Variants in CLSTN2 observed in about 807,000 individuals in gnomAD.
CLSTN2 encodes calsyntenin 2, also known as calsyntenin-2.
A neutral mutation model predicts 101.2 loss-of-function variants in CLSTN2; 48 were observed. That is an observed-to-expected ratio of 0.47 (90% CI 0.38 to 0.60). The LOEUF (loss-of-function observed/expected upper bound fraction) is 0.60. Among genes scored for constraint, CLSTN2 ranks in the 20% least tolerant of loss-of-function variants. The pLI, the probability that CLSTN2 is intolerant of heterozygous loss-of-function variation, is 0.00. For missense variants in CLSTN2, 1,160 were observed against 1,238.2 expected (o/e 0.94, Z 0.95); for synonymous variants, 481 against 463.6 (o/e 1.04, Z -0.48).
At chr3:140,001,971 G>C (rs1048250035) in intron 1 of CLSTN2, among the ~76,000 whole-genome samples, 1 of 152,164 alleles carries the variant, frequency 6.6e-6, no homozygotes, top group African/African-American at 2.4e-5. Flanking sequence ...TTTTATGGCA[G>C]AATAGTGCTC....
At chr3:140,181,709 TAC>T (rs10549079) in intron 2 of CLSTN2, among the ~76,000 whole-genome samples, 148,519 of 151,684 alleles carry the variant, frequency 0.98, 72,774 homozygotes, top group East Asian at 1. Context: ...GTCCTTTTAT[TAC>T]ACACACACAC....
At chr3:140,069,356 C>T (rs2008353662) in intron 1 of CLSTN2, among the ~76,000 whole-genome samples, 1 of 152,160 alleles carries the variant, frequency 6.6e-6, no homozygotes, top group East Asian at 1.9e-4. Context: ...GACACCAAGA[C>T]ACCAGATCAA....
chr3:140,526,694 G>T (rs1935149143), intron 8 of CLSTN2, among the ~76,000 whole-genome samples: 1 of 149,526 alleles, frequency 6.7e-6, no homozygotes, highest in Non-Finnish European at 1.5e-5. Context: ...TATACCATAA[G>T]GCAACAGTAA....
intron 1 of CLSTN2, among the ~76,000 whole-genome samples, chr3:140,056,119 GC>G (rs1224246432): frequency 6.6e-6 from 1 of 152,172 alleles, no homozygotes; most frequent in Non-Finnish European, 1.5e-5. Flanking sequence ...GGAAGCCCAG[GC>G]CACATTGGAG....
chr3:140,462,006 T>TATAGACATA (rs147930745), intron 7 of CLSTN2, among the ~76,000 whole-genome samples: 1 of 151,088 alleles, frequency 6.6e-6, no homozygotes, highest in Non-Finnish European at 1.5e-5. Context: ...TTTTTTCAAG[T>TATAGACATA]CATAAAGCAA....
At chr3:140,045,657 T>A (rs981775148) in intron 1 of CLSTN2, among the ~76,000 whole-genome samples, 5 of 152,262 alleles carry the variant, frequency 3.3e-5, no homozygotes, top group Non-Finnish European at 7.3e-5. Flanking sequence ...GGGCATTTAA[T>A]GCTATAAATT....
At chr3:140,307,473 CA>C (rs1401631174) in intron 2 of CLSTN2, among the ~76,000 whole-genome samples, 1 of 151,720 alleles carries the variant, frequency 6.6e-6, no homozygotes, top group Non-Finnish European at 1.5e-5. Flanking sequence ...TCTACACAAA[CA>C]AAAAAAAGTT....
rs946287203 is a variant in CLSTN2, at chr3:140,505,738, A to G, written c.1345-26586A>G. The G allele has an allele frequency of 2.0e-5, 3 of 152,148 alleles. 1 individual carries two copies. The highest frequency in any genetic ancestry group is 4.4e-5 in the Non-Finnish European group (3 of 68,028). The allele number at this position is 152,148 out of a possible 1,614,324, so 9.4% of individuals were successfully genotyped here. Reference sequence around the variant, plus strand: ...TACTCTGTTATTTTTTTAAACTTGCAAGGAGGATTCCACCTCTGTTCTCCT... The same window carrying G: ...TACTCTGTTATTTTTTTAAACTTGCGAGGAGGATTCCACCTCTGTTCTCCT... On this transcript the variant is annotated intron_variant, in intron 8 of 16. Transcript: ENST00000458420.
chr3:139,988,326 CA>C (rs1936062843), intron 1 of CLSTN2, among the ~76,000 whole-genome samples: 1 of 143,948 alleles, frequency 6.9e-6, no homozygotes. Flanking sequence ...GCTACATTCA[CA>C]AAGATAGGCA....
chr3:140,059,471 A>G (rs2008157891), intron 1 of CLSTN2, among the ~76,000 whole-genome samples: 1 of 151,186 alleles, frequency 6.6e-6, no homozygotes, highest in Non-Finnish European at 1.5e-5. Context: ...AAAAGTGCTG[A>G]TGAGCAGGAG....
intron 1 of CLSTN2, among the ~76,000 whole-genome samples, chr3:140,009,462 G>T (rs2007026361): frequency 6.6e-6 from 1 of 152,056 alleles, no homozygotes; most frequent in East Asian, 1.9e-4. Flanking sequence ...GTATTAATCT[G>T]TTCAGATATA....
At chr3:140,152,175 C>G (rs370324954) in intron 1 of CLSTN2, among the ~76,000 whole-genome samples, 2 of 152,150 alleles carry the variant, frequency 1.3e-5, no homozygotes, top group South Asian at 2.1e-4. Context: ...TAATAAATTA[C>G]AAAGAGCCCT....
At chr3:139,936,970 G>A (rs528909701) in intron 1 of CLSTN2, among the ~76,000 whole-genome samples, 48 of 152,274 alleles carry the variant, frequency 3.2e-4, no homozygotes, top group African/African-American at 1.1e-3. Context: ...GTAAAGAAGT[G>A]GCTGATATGA....
intron 2 of CLSTN2, among the ~76,000 whole-genome samples, chr3:140,381,853 A>AG (rs1477097804): frequency 1.3e-4 from 20 of 152,240 alleles, no homozygotes; most frequent in Non-Finnish European, 2.5e-4. Context: ...TTTGCCATGA[A>AG]GTCTGCCAAA....
At position 140,053,913 on chromosome 3, in the gene CLSTN2, T is replaced by C. The variant is rs189320466; in HGVS notation, c.109+118430T>C. On this transcript the variant is annotated intron_variant, in intron 1 of 16. Transcript: ENST00000458420. ...CCTTTTTCACTGAAGCCCCTTTTGGTGTTTGAATGACTTGTCTGTAGGCAC... is the reference window on the plus strand; with the variant it reads ...CCTTTTTCACTGAAGCCCCTTTTGGCGTTTGAATGACTTGTCTGTAGGCAC... 1.2e-4 allele frequency among the ~76,000 whole-genome samples: 19 copies of C among 152,274 alleles called. No homozygotes were observed. The East Asian group carries it at 3.3e-3, about 26-fold the overall frequency.
At chr3:140,309,980 AG>A (rs764623718) in intron 2 of CLSTN2, among the ~76,000 whole-genome samples, 71 of 152,040 alleles carry the variant, frequency 4.7e-4, no homozygotes, top group Admixed American at 8.5e-4. Flanking sequence ...TCATCCTGCT[AG>A]GGCCCCTTCT....
At chr3:140,506,507 T>C (rs560048169) in intron 8 of CLSTN2, 2 of 152,310 alleles carry the variant, frequency 1.3e-5, no homozygotes, top group South Asian at 4.2e-4. Context: ...CAGGATTTGA[T>C]CCCGTTGTGG....
At chr3:140,457,674 C>T (rs753982921) in intron 6 of CLSTN2, among the ~76,000 whole-genome samples, 3 of 152,100 alleles carry the variant, frequency 2.0e-5, no homozygotes, top group Non-Finnish European at 4.4e-5. Context: ...AGGCGTGGAG[C>T]GTGGACAAGG....
At chr3:140,233,620 A>G (rs2086390392) in intron 2 of CLSTN2, among the ~76,000 whole-genome samples, 1 of 152,218 alleles carries the variant, frequency 6.6e-6, no homozygotes, top group Non-Finnish European at 1.5e-5. Flanking sequence ...GGAATTTGAT[A>G]TTAATGGGCC....
Sources: gnomAD v4.1 joint callset for allele counts (sites outside exome capture counted in the v4.1 genomes callset) on GRCh38, gnomAD v4.1.1 for gene constraint, MANE v1.5 for transcripts, NCBI Gene and HGNC (gene_info 2026-07-23, HGNC 2026-07-21) for gene names.